The following RALYL variants were observed in gnomAD, a reference collection of about 807,000 sequenced individuals.
RALYL encodes RNA-binding Raly-like protein.
A neutral mutation model predicts 35.1 loss-of-function variants in RALYL; 29 were observed. That is an observed-to-expected ratio of 0.83 (90% CI 0.61 to 1.13). RALYL has a LOEUF of 1.13. Among genes scored for constraint, RALYL ranks in the 50% most tolerant of loss-of-function variants. The pLI, the probability that RALYL is intolerant of heterozygous loss-of-function variation, is 0.00. For missense variants in RALYL, 359 were observed against 360.4 expected (o/e 1.00, Z 0.03); for synonymous variants, 120 against 127.6 (o/e 0.94, Z 0.40).
intron 8 of RALYL, chr8:84,906,883 T>C (rs1362126208): frequency 1.2e-6 from 1 of 869,168 alleles, no homozygotes; most frequent in African/African-American, 1.8e-5. Flanking sequence ...CTATCAGCCT[T>C]GCCCTGCCTA....
intron 2 of RALYL, among the ~76,000 whole-genome samples, chr8:84,675,473 T>G (rs1407440963): frequency 6.6e-6 from 1 of 152,218 alleles, no homozygotes; most frequent in African/African-American, 2.4e-5. Flanking sequence ...TAGTTTAAAA[T>G]TTACTTCAAA....
intron 4 of RALYL, among the ~76,000 whole-genome samples, chr8:84,823,909 A>G (rs1227964460): frequency 1.3e-5 from 2 of 152,152 alleles, no homozygotes; most frequent in Non-Finnish European, 2.9e-5. Context: ...CCAACATCAT[A>G]TTGAACAGAC....
At chr8:84,541,045 C>G (rs2135245216) in intron 2 of RALYL, among the ~76,000 whole-genome samples, 1 of 151,778 alleles carries the variant, frequency 6.6e-6, no homozygotes, top group South Asian at 2.1e-4. Flanking sequence ...GTCATCTATT[C>G]AAACACCCAA....
chr8:84,669,645 G>A (rs1344058568), intron 2 of RALYL, among the ~76,000 whole-genome samples: 1 of 151,906 alleles, frequency 6.6e-6, no homozygotes, highest in Non-Finnish European at 1.5e-5. Flanking sequence ...TGAGCATGCT[G>A]TTGATCAAGT....
intron 2 of RALYL, among the ~76,000 whole-genome samples, chr8:84,737,627 T>A (rs1166852644): frequency 1.3e-5 from 2 of 152,076 alleles, no homozygotes; most frequent in Non-Finnish European, 1.5e-5. Context: ...ATATTGATTG[T>A]ATGTCTGTCA....
At chr8:84,907,413 T>G (rs985327615) in intron 8 of RALYL, among the ~76,000 whole-genome samples, 1 of 151,760 alleles carries the variant, frequency 6.6e-6, no homozygotes, top group Non-Finnish European at 1.5e-5. Context: ...AAGAAAACAA[T>G]ACTGTTTCCA....
intron 1 of RALYL, among the ~76,000 whole-genome samples, chr8:84,259,176 G>GAC (rs1831747768): frequency 6.6e-6 from 1 of 152,146 alleles, no homozygotes; most frequent in Non-Finnish European, 1.5e-5. Flanking sequence ...AAGTGACAAG[G>GAC]ACACAGATTA....
chr8:84,632,613 G>T (rs1013495562), intron 2 of RALYL, among the ~76,000 whole-genome samples: 1 of 150,958 alleles, frequency 6.6e-6, no homozygotes, highest in Non-Finnish European at 1.5e-5. Flanking sequence ...GTGTGTGTGT[G>T]TAGTTTTCTT....
At chr8:84,782,611 A>G (rs1296589993) in intron 3 of RALYL, among the ~76,000 whole-genome samples, 1 of 152,216 alleles carries the variant, frequency 6.6e-6, no homozygotes, top group East Asian at 1.9e-4. Flanking sequence ...GCTGAAGCTA[A>G]GATCTCTTCA....
At chr8:84,262,073 A>G (rs190673074) in intron 1 of RALYL, among the ~76,000 whole-genome samples, 1 of 152,276 alleles carries the variant, frequency 6.6e-6, no homozygotes, top group African/African-American at 2.4e-5. Flanking sequence ...CAATAAATTC[A>G]GCTCTGTTCT....
intron 1 of RALYL, among the ~76,000 whole-genome samples, chr8:84,331,057 C>T (rs761182578): frequency 1.6e-4 from 24 of 151,934 alleles, no homozygotes; most frequent in Non-Finnish European, 2.9e-4. Context: ...ATGTAATGTA[C>T]TCAATCTCTT....
rs981885238 is a variant in RALYL at position 84,612,619 on chromosome 8, G to A, written c.256+83042G>A. Among the ~76,000 whole-genome samples the A allele has an allele frequency of 4.0e-5, 6 of 150,934 alleles. No individual in the cohort carries two copies. In the East Asian group the frequency reaches 9.7e-4, roughly 24 times the overall value. Reference sequence around the variant, plus strand: ...CAATATTCCTTTCCGGAGATAATACGATTCTTTTATGTGAGATATGTAACT... The same window carrying A: ...CAATATTCCTTTCCGGAGATAATACAATTCTTTTATGTGAGATATGTAACT... On this transcript the variant is annotated intron_variant, in intron 2 of 8. Coordinates refer to ENST00000521268, the MANE Select transcript of RALYL (RefSeq NM_173848.7).
At chr8:84,439,838 TA>T (rs1435276422) in intron 1 of RALYL, among the ~76,000 whole-genome samples, 2 of 152,106 alleles carry the variant, frequency 1.3e-5, no homozygotes, top group Non-Finnish European at 1.5e-5. Flanking sequence ...TCTTTATAAT[TA>T]AAAAATTATT....
intron 2 of RALYL, among the ~76,000 whole-genome samples, chr8:84,631,921 A>G (rs1268896071): frequency 6.6e-6 from 1 of 151,978 alleles, no homozygotes; most frequent in Non-Finnish European, 1.5e-5. Context: ...ATATTATTAA[A>G]CAAATTCCAT....
At chr8:84,622,458 A>T (rs1821752295) in intron 2 of RALYL, among the ~76,000 whole-genome samples, 3 of 152,188 alleles carry the variant, frequency 2.0e-5, no homozygotes, top group Non-Finnish European at 4.4e-5. Context: ...ATCTTATCTG[A>T]GCCACTAAAT....
chr8:84,901,450 T>TA (rs1845671295), intron 8 of RALYL, among the ~76,000 whole-genome samples: 1 of 152,000 alleles, frequency 6.6e-6, no homozygotes, highest in African/African-American at 2.4e-5. Flanking sequence ...ATTTGTCAAG[T>TA]AAAAAACAAA....
chr8:84,569,665 T>G (rs1205470301), intron 2 of RALYL, among the ~76,000 whole-genome samples: 1 of 151,806 alleles, frequency 6.6e-6, no homozygotes, highest in Non-Finnish European at 1.5e-5. Flanking sequence ...TTTGCCTAGG[T>G]CAATGTCCAG....
At chr8:84,203,581 T>C (rs971198717) in intron 1 of RALYL, among the ~76,000 whole-genome samples, 4 of 152,182 alleles carry the variant, frequency 2.6e-5, no homozygotes, top group Non-Finnish European at 4.4e-5. Flanking sequence ...TATATGTCTT[T>C]GTGTTTTCTC....
intron 1 of RALYL, among the ~76,000 whole-genome samples, chr8:84,505,346 C>CAAAT (rs2057074773): frequency 6.6e-6 from 1 of 152,066 alleles, no homozygotes; most frequent in African/African-American, 2.4e-5. Context: ...ACAAGATAAA[C>CAAAT]AAATACTCAG....
Sources: gnomAD v4.1 joint callset for allele counts (sites outside exome capture counted in the v4.1 genomes callset) on GRCh38, gnomAD v4.1.1 for gene constraint, MANE v1.5 for transcripts, NCBI Gene and HGNC (gene_info 2026-07-23, HGNC 2026-07-21) for gene names.